The following MTG2 variants were observed in gnomAD, a reference collection of about 807,000 sequenced individuals.
The protein encoded by MTG2 is mitochondrial ribosome associated GTPase 2.
MTG2 carries 23 observed loss-of-function variants against 28.6 expected under a neutral mutation model. That is an observed-to-expected ratio of 0.80 (90% CI 0.58 to 1.14). The LOEUF (loss-of-function observed/expected upper bound fraction) is 1.14. MTG2 is among the 50% of genes most tolerant of loss of function. The pLI, the probability that MTG2 is intolerant of heterozygous loss-of-function variation, is 0.00. For synonymous variants in MTG2, 260 were observed against 251.8 expected (o/e 1.03, Z -0.31); for missense variants, 539 against 552.0 (o/e 0.98, Z 0.24).
chr20:62,198,302 C>A, intron 4 of MTG2: 1 of 524,442 alleles, frequency 1.9e-6, no homozygotes, highest in South Asian at 2.2e-5. Flanking sequence ...CACTGGCACC[C>A]AGCGGGCCTG....
At chr20:62,194,916 G>GC (rs1231266658) in intron 2 of MTG2, among the ~76,000 whole-genome samples, 1 of 152,252 alleles carries the variant, frequency 6.6e-6, no homozygotes, top group Non-Finnish European at 1.5e-5. Context: ...AGCTTTCCTA[G>GC]CCGGGCACAG....
At chr20:62,185,419 TAAAA>T (rs1568779948) in intron 1 of MTG2, among the ~76,000 whole-genome samples, 1 of 98,446 alleles carries the variant, frequency 1.0e-5, no homozygotes, top group Non-Finnish European at 2.2e-5. Flanking sequence ...CCAAAAAAAA[TAAAA>T]ATAAAAAATA....
chr20:62,191,086 A>T (rs771566251), intron 1 of MTG2, among the ~76,000 whole-genome samples: 3 of 152,176 alleles, frequency 2.0e-5, no homozygotes, highest in Non-Finnish European at 4.4e-5. Flanking sequence ...GAATGGAGTT[A>T]CCAAGACCAC....
In MTG2 at chr20:62,185,041, C is replaced by T. The variant is rs982040358; in HGVS notation, c.-6+1984C>T. ...GAGTGGATCACTTGAACCCATGAGG[C>T]GGAGGTTACAGTGAGCCAAGATCCC... is the stretch of plus-strand genomic sequence containing the variant. On this transcript the variant is annotated intron_variant, in intron 1 of 6. Transcript: ENST00000370823. Among the ~76,000 whole-genome samples the T allele has an allele frequency of 4.6e-5, 7 of 151,862 alleles. 1 individual carries two copies. Among genetic ancestry groups the T allele is most frequent in the Admixed American group, 1.3e-4 (2 of 15,248 alleles).
chr20:62,193,813 A>C, intron 2 of MTG2, 189 bp downstream of exon 2: 1 of 609,330 alleles, frequency 1.6e-6, no homozygotes, highest in Non-Finnish European at 2.8e-6. Context: ...CGCTCAGCAA[A>C]TCCCAGCAGG....
At position 62,193,593 on chromosome 20, in the gene MTG2, C is replaced by G. The variant is rs767084953; in HGVS notation, c.173C>G (p.Pro58Arg). 1 of 1,612,956 alleles carries G rather than the reference C, an allele frequency of 6.2e-7. No individual in the cohort carries two copies. The highest frequency in any genetic ancestry group is 1.1e-5 in the South Asian group (1 of 90,996). ...RADLAKHQEL[P>R]GKKLLSEKKL... ...GACCTCGCCAAGCATCAGGAACTCCCGGGGAAGAAGCTGCTCTCTGAGAAA... is the reference window on the plus strand; with the variant it reads ...GACCTCGCCAAGCATCAGGAACTCCGGGGGAAGAAGCTGCTCTCTGAGAAA... Residue 58 changes from proline to arginine, a missense_variant, in exon 2 of 7, where the codon CCG becomes CGG. Transcript: ENST00000370823.
intron 3 of MTG2, 33 bp downstream of exon 3, chr20:62,195,982 G>A: frequency 7.4e-6 from 12 of 1,611,658 alleles, no homozygotes; most frequent in Non-Finnish European, 1.0e-5. Flanking sequence ...GCGGGGTTGA[G>A]GAGGGGCCCC....
intron 3 of MTG2, chr20:62,197,065 A>G (rs1438111493): frequency 1.3e-5 from 2 of 151,578 alleles, no homozygotes. Flanking sequence ...TAAAAAAAAA[A>G]TTATATGGAT....
rs774747684 is a variant in MTG2, at chr20:62,202,752, C to CA, written c.*1690dup. On this transcript the variant is annotated 3_prime_UTR_variant, in exon 7 of 7. Coordinates refer to ENST00000370823, the MANE Select transcript of MTG2 (RefSeq NM_015666.4). ...TGAGCGACAGAGCAAGACTCCATCTCAAAAAAAAAAAAAAAGTGGAGGGGA... is the reference window on the plus strand; with the variant it reads ...TGAGCGACAGAGCAAGACTCCATCTCAAAAAAAAAAAAAAAAGTGGAGGGGA... 3,423 of 121,712 alleles carry CA rather than the reference C, an allele frequency of 0.028. 101 individuals are homozygous for CA. The highest frequency in any genetic ancestry group is 0.08 in the African/African-American group (2,646 of 33,080). 7.5% of individuals were successfully genotyped at this position (121,712 alleles called of 1,614,324 possible).
Position 62,202,921 on chromosome 20 carries a change from C to T in MTG2, c.*1844C>T, listed in dbSNP as rs2058198636. ...CGCGCTTTGCACAGCAGGCCGGTGC[C>T]TGGGCTTTCAGGAGCAATTCCGTTT... On this transcript the variant is annotated 3_prime_UTR_variant, in exon 7 of 7. Transcript: ENST00000370823. 1 of 152,250 alleles carries T rather than the reference C, an allele frequency of 6.6e-6. No homozygotes were observed. The highest frequency in any genetic ancestry group is 1.5e-5 in the Non-Finnish European group (1 of 68,056). The allele number at this position is 152,250 out of a possible 1,614,324, so 9.4% of individuals were successfully genotyped here.
At position 62,191,273 on chromosome 20, in the gene MTG2, G is replaced by A. The variant is rs572013944; in HGVS notation, c.-5-2143G>A. ...AGCTGCAGGCAGCCGGGATAGGGAC[G>A]CAGACTTTCCTACAGGGAGAGGCAC... On this transcript the variant is annotated intron_variant, in intron 1 of 6. Coordinates refer to ENST00000370823, the MANE Select transcript of MTG2 (RefSeq NM_015666.4). 4.8e-4 allele frequency among the ~76,000 whole-genome samples: 73 copies of A among 152,220 alleles called. No homozygotes were observed. In the South Asian group the frequency reaches 0.013, roughly 28 times the overall value.
intron 1 of MTG2, among the ~76,000 whole-genome samples, chr20:62,190,331 A>AT (rs2057932316): frequency 6.6e-6 from 1 of 152,148 alleles, no homozygotes; most frequent in Non-Finnish European, 1.5e-5. Flanking sequence ...ACTACGCAGT[A>AT]TTTTTTTGTC....
At position 62,199,149 on chromosome 20, in the gene MTG2, C is replaced by T; in HGVS notation, c.718C>T (p.Leu240=). 6.2e-7 allele frequency: 1 copy of T among 1,614,204 alleles called. No homozygotes were observed. The highest frequency in any genetic ancestry group is 8.5e-7 in the Non-Finnish European group (1 of 1,180,038). ...ATTCCCCAACGCCGGGAAGTCCTCA[C>T]TGCTCCGGGCCATTTCAAACGCCAG... ...VGFPNAGKSS[L]LRAISNARPA... The change falls in exon 6 of 7, where the codon CTG becomes TTG. Residue 240 remains leucine (L), a synonymous_variant. Coordinates refer to ENST00000370823, the MANE Select transcript of MTG2 (RefSeq NM_015666.4).
Position 62,198,577 on chromosome 20 carries a change from G to T in MTG2, c.469-57G>T, listed in dbSNP as rs1278819068. On this transcript the variant is annotated intron_variant, in intron 4 of 6. Coordinates refer to ENST00000370823, the MANE Select transcript of MTG2 (RefSeq NM_015666.4). Reference sequence around the variant, plus strand: ...AGCGCTTGCTTCAGGAATGGGTTAAGGCCTCCTTTCCTCACTGCTGGTAGA... The same window carrying T: ...AGCGCTTGCTTCAGGAATGGGTTAATGCCTCCTTTCCTCACTGCTGGTAGA... The T allele has an allele frequency of 3.2e-6, 5 of 1,561,450 alleles. No homozygotes were observed. The Admixed American group carries it at 8.8e-5, about 27-fold the overall frequency.
intron 1 of MTG2, among the ~76,000 whole-genome samples, chr20:62,186,960 CTT>C (rs2057861914): frequency 6.6e-6 from 1 of 152,154 alleles, no homozygotes; most frequent in African/African-American, 2.4e-5. Context: ...TGTGGAGGCC[CTT>C]TTTCTCCATC....
chr20:62,193,471 C>T lies in MTG2; in HGVS notation c.51C>T (p.Gly17=), dbSNP rs535050204. Reference sequence around the variant, plus strand: ...CAAGATTGAGGACCGTGTTTCAGGGCGTGGGGCATTGGGCTTTGTCCACAT... The same window carrying T: ...CAAGATTGAGGACCGTGTTTCAGGGTGTGGGGCATTGGGCTTTGTCCACAT... ...FSARLRTVFQ[G]VGHWALSTWA... The change falls in exon 2 of 7, where the codon GGC becomes GGT. Residue 17 remains glycine (G), a synonymous_variant. Transcript: ENST00000370823. 28 of 1,614,166 alleles carry T rather than the reference C, an allele frequency of 1.7e-5. No homozygotes were observed. The highest frequency in any genetic ancestry group is 1.3e-4 in the Admixed American group (8 of 60,020).
intron 4 of MTG2, chr20:62,198,261 C>A: frequency 1.9e-6 from 1 of 519,952 alleles, no homozygotes; most frequent in Non-Finnish European, 3.5e-6. Flanking sequence ...CCGTCTCTGA[C>A]CCCATGAGCC....
chr20:62,185,149 G>A (rs987962033), intron 1 of MTG2, among the ~76,000 whole-genome samples: 1 of 151,632 alleles, frequency 6.6e-6, no homozygotes, highest in Non-Finnish European at 1.5e-5. Context: ...CGTGGTGGCT[G>A]ATGCTTGTAA....
rs2058162345 is a variant in MTG2 at position 62,201,072 on chromosome 20, T to C, written c.1216T>C (p.Trp406Arg). The change falls in exon 7 of 7, where the codon TGG (tryptophan) becomes CGG (arginine). Residue 406 changes from tryptophan (W) to arginine (R), a missense_variant. Physicochemically the swap from Trp to Arg is moderately radical, Grantham distance 101 (BLOSUM62 -3). Coordinates refer to ENST00000370823, the MANE Select transcript of MTG2 (RefSeq NM_015666.4). Reference sequence around the variant, plus strand: ...GGGCCAGGGCCGCCAGCCGCTCAGGTGGTAGCCACGCCAGAGCGGGGTCGC... The same window carrying C: ...GGGCCAGGGCCGCCAGCCGCTCAGGCGGTAGCCACGCCAGAGCGGGGTCGC... ...ELGQGRQPLR[W>R] The C allele has an allele frequency of 6.3e-7, 1 of 1,595,752 alleles. No homozygotes were observed. The highest frequency in any genetic ancestry group is 1.7e-5 in the Admixed American group (1 of 59,028).
Sources: gnomAD v4.1 joint callset for allele counts (sites outside exome capture counted in the v4.1 genomes callset) on GRCh38, gnomAD v4.1.1 for gene constraint, MANE v1.5 for transcripts, NCBI Gene and HGNC (gene_info 2026-07-23, HGNC 2026-07-21) for gene names.